DCC: variants seen among roughly 807,000 people sequenced by gnomAD.
The protein encoded by DCC is DCC netrin 1 receptor, also known as netrin receptor DCC.
DCC carries 58 observed loss-of-function variants against 172.5 expected under a neutral mutation model. The observed-to-expected ratio is 0.34, with a 90% CI of 0.27 to 0.42. DCC has a LOEUF of 0.42. Among genes scored for constraint, DCC ranks in the 10% least tolerant of loss-of-function variants. The pLI is 1.00. For missense variants in DCC, 1,740 were observed against 1,791.0 expected (o/e 0.97, Z 0.51); for synonymous variants, 709 against 644.5 (o/e 1.10, Z -1.52).
chr18:52,700,300 ACACACATG>A (rs550325900), intron 1 of DCC, among the ~76,000 whole-genome samples: 234 of 108,572 alleles, frequency 2.2e-3, no homozygotes, highest in African/African-American at 9.2e-3. Flanking sequence ...GCACATCCAC[ACACACATG>A]CACACATGCA....
intron 8 of DCC, among the ~76,000 whole-genome samples, chr18:53,176,986 A>G (rs1309417908): frequency 1.3e-5 from 2 of 152,056 alleles, no homozygotes; most frequent in Non-Finnish European, 2.9e-5. Context: ...ACACCATGGA[A>G]TACTATGCGG....
intron 2 of DCC, among the ~76,000 whole-genome samples, chr18:52,867,503 T>A (rs184564773): frequency 4.9e-4 from 75 of 151,734 alleles, no homozygotes; most frequent in Non-Finnish European, 9.7e-4. Context: ...TGAATCCTCC[T>A]GGTCTTGGGT....
At chr18:52,548,265 TATTCC>T (rs2032670725) in intron 1 of DCC, among the ~76,000 whole-genome samples, 4 of 152,118 alleles carry the variant, frequency 2.6e-5, no homozygotes, top group Admixed American at 2.6e-4. Flanking sequence ...TATAGGCCAA[TATTCC>T]AAATAAGTTG....
chr18:52,500,444 G>A (rs2030975721), intron 1 of DCC, among the ~76,000 whole-genome samples: 1 of 152,098 alleles, frequency 6.6e-6, no homozygotes, highest in African/African-American at 2.4e-5. Context: ...CAGTCCTGTA[G>A]GATTTAATTT....
chr18:52,547,301 A>C (rs1598904360), intron 1 of DCC, among the ~76,000 whole-genome samples: 1 of 152,128 alleles, frequency 6.6e-6, no homozygotes, highest in Non-Finnish European at 1.5e-5. Flanking sequence ...AAAAGCGAAA[A>C]TGTTGTTACC....
At chr18:53,429,197 G>C (rs1361209762) in intron 21 of DCC, among the ~76,000 whole-genome samples, 10 of 67,470 alleles carry the variant, frequency 1.5e-4, no homozygotes, top group Non-Finnish European at 3.7e-4. Context: ...AAAGTGTACT[G>C]CCTTTACTTT....
At chr18:52,823,659 T>C (rs372482122) in intron 2 of DCC, among the ~76,000 whole-genome samples, 29 of 152,262 alleles carry the variant, frequency 1.9e-4, no homozygotes, top group African/African-American at 5.8e-4. Context: ...CTTTTATAAA[T>C]TGTGTTATAA....
Position 52,434,442 on chromosome 18 carries a change from C to G in DCC, c.91+93564C>G, listed in dbSNP as rs77624104. ...GTCAATAATGCCCACTTTGAGAAAC[C>G]CTGATTGAGATAAAATGTTAAATTG... On this transcript the variant is annotated intron_variant, in intron 1 of 28. Transcript: ENST00000442544. Among the ~76,000 whole-genome samples, 272 of 152,100 alleles carry G rather than the reference C, an allele frequency of 1.8e-3. 6 individuals are homozygous for G. In the East Asian group the frequency reaches 0.042, roughly 24 times the overall value.
chr18:53,132,571 A>G (rs2043674095), intron 7 of DCC, among the ~76,000 whole-genome samples: 1 of 152,136 alleles, frequency 6.6e-6, no homozygotes, highest in African/African-American at 2.4e-5. Flanking sequence ...CCCAATATGT[A>G]TCTTATTCAT....
intron 15 of DCC, among the ~76,000 whole-genome samples, chr18:53,370,996 C>T (rs997245275): frequency 6.6e-6 from 1 of 151,900 alleles, no homozygotes; most frequent in African/African-American, 2.4e-5. Context: ...ACCAGTGATA[C>T]TGCTGTTAAC....
chr18:52,847,278 C>G (rs757917153), intron 2 of DCC, among the ~76,000 whole-genome samples: 1 of 152,084 alleles, frequency 6.6e-6, no homozygotes, highest in African/African-American at 2.4e-5. Flanking sequence ...AAATGTTGGA[C>G]AATCTGTAAA....
At chr18:53,394,425 T>C (rs1198641832) in intron 17 of DCC, among the ~76,000 whole-genome samples, 1 of 152,226 alleles carries the variant, frequency 6.6e-6, no homozygotes, top group African/African-American at 2.4e-5. Flanking sequence ...CCCAAATCTA[T>C]AATACAGATG....
At chr18:53,421,877 A>C (rs930459360) in intron 21 of DCC, among the ~76,000 whole-genome samples, 1 of 152,176 alleles carries the variant, frequency 6.6e-6, no homozygotes, top group Non-Finnish European at 1.5e-5. Flanking sequence ...CTTTTCCACT[A>C]TGTGTCAATT....
intron 1 of DCC, among the ~76,000 whole-genome samples, chr18:52,440,513 C>T (rs749032771): frequency 2.6e-5 from 4 of 152,184 alleles, no homozygotes; most frequent in African/African-American, 4.8e-5. Context: ...ACTTCTTCTG[C>T]TCAGTGCCCT....
At chr18:53,435,095 A>G (rs1222848198) in intron 21 of DCC, 49 bp from the exon 22 acceptor site, 2 of 1,332,732 alleles carry the variant, frequency 1.5e-6, no homozygotes, top group African/African-American at 2.9e-5. Flanking sequence ...TTTTGTCTTC[A>G]TTTTGTTTCA....
intron 26 of DCC, among the ~76,000 whole-genome samples, chr18:53,492,191 T>C (rs773401517): frequency 6.6e-6 from 1 of 152,234 alleles, no homozygotes; most frequent in Non-Finnish European, 1.5e-5. Context: ...AAGTGCTTTG[T>C]AGCTTCTAAA....
At chr18:52,462,975 T>C (rs1023818914) in intron 1 of DCC, among the ~76,000 whole-genome samples, 1 of 152,200 alleles carries the variant, frequency 6.6e-6, no homozygotes, top group Admixed American at 6.5e-5. Context: ...TGCCTGATAG[T>C]GGATCCATAG....
At chr18:52,417,361 CT>C in intron 1 of DCC, among the ~76,000 whole-genome samples, 1 of 152,170 alleles carries the variant, frequency 6.6e-6, no homozygotes, top group South Asian at 2.1e-4. Flanking sequence ...TGGAGTTGCT[CT>C]TCTCGAGGAG....
chr18:52,689,467 A>G (rs1221801416), intron 1 of DCC, among the ~76,000 whole-genome samples: 1 of 152,158 alleles, frequency 6.6e-6, no homozygotes, highest in Non-Finnish European at 1.5e-5. Context: ...AAATTGACGC[A>G]TCAGGTTCCA....
Sources: gnomAD v4.1 joint callset for allele counts (sites outside exome capture counted in the v4.1 genomes callset) on GRCh38, gnomAD v4.1.1 for gene constraint, MANE v1.5 for transcripts, NCBI Gene and HGNC (gene_info 2026-07-23, HGNC 2026-07-21) for gene names.